Variants in CFAP20 observed in about 807,000 individuals in gnomAD.
CFAP20 encodes the protein cilia and flagella associated protein 20.
CFAP20 carries 14 observed loss-of-function variants against 25.5 expected under a neutral mutation model. The observed-to-expected ratio is 0.55, with a 90% confidence interval of 0.36 to 0.86. The LOEUF is 0.86. CFAP20 is among the 40% of genes least tolerant of loss of function. The pLI is 0.01. For synonymous variants in CFAP20, 75 were observed against 91.1 expected (o/e 0.82, Z 1.01); for missense variants, 181 against 248.0 (o/e 0.73, Z 1.81).
Position 58,113,912 on chromosome 16 carries a change from G to A in CFAP20, c.*113C>T. 1.6e-6 allele frequency: 2 copies of A among 1,259,746 alleles called. No individual in the cohort carries two copies. The highest frequency in any genetic ancestry group is 2.3e-6 in the Non-Finnish European group (2 of 861,864). The allele number at this position is 1,259,746 out of a possible 1,614,324, so 78.0% of individuals were successfully genotyped here. ...CAAGCAACACCAAGTATAAATAACA[G>A]AACTACAGCAGAGCAAACTAAGATA... On this transcript the variant is annotated 3_prime_UTR_variant, in exon 6 of 6. Coordinates refer to ENST00000262498, the MANE Select transcript of CFAP20 (RefSeq NM_013242.3).
chr16:58,115,627 T>C, intron 3 of CFAP20, 170 bp from the exon 4 acceptor site: 2 of 714,420 alleles, frequency 2.8e-6, no homozygotes, highest in South Asian at 1.9e-5. Flanking sequence ...GGCCCGGAAG[T>C]AGCAAGTTTA....
At position 58,129,277 on chromosome 16, in the gene CFAP20, G is replaced by A. The variant is rs1043574318; in HGVS notation, c.-162C>T. On this transcript the variant is annotated 5_prime_UTR_variant, in exon 1 of 6. Transcript: ENST00000262498. Reference sequence around the variant, plus strand: ...TCTGCAGCCACTGATGGCCGGACTCGGACGCGGCAACGCTAAGTCCGCGAT... The same window carrying A: ...TCTGCAGCCACTGATGGCCGGACTCAGACGCGGCAACGCTAAGTCCGCGAT... The A allele has an allele frequency of 5.8e-6, 4 of 692,436 alleles. No homozygotes were observed. Among genetic ancestry groups the A allele is most frequent in the Middle Eastern group, 2.8e-4 (1 of 3,544 alleles). The allele number at this position is 692,436 out of a possible 1,614,324, so 42.9% of individuals were successfully genotyped here.
intron 1 of CFAP20, among the ~76,000 whole-genome samples, chr16:58,122,145 G>C (rs1235424126): frequency 6.6e-6 from 1 of 152,180 alleles, no homozygotes; most frequent in Non-Finnish European, 1.5e-5. Context: ...AGGCTCCAAG[G>C]GTCAAAGGCT....
At position 58,129,270 on chromosome 16, in the gene CFAP20, C is replaced by G; in HGVS notation, c.-155G>C. 1.4e-6 allele frequency: 1 copy of G among 708,708 alleles called. No individual in the cohort carries two copies. Among genetic ancestry groups the G allele is most frequent in the Non-Finnish European group, 2.3e-6 (1 of 431,700 alleles). The allele number at this position is 708,708 out of a possible 1,614,324, so 43.9% of individuals were successfully genotyped here. ...CTCCGGATCTGCAGCCACTGATGGCCGGACTCGGACGCGGCAACGCTAAGT... is the reference window on the plus strand; with the variant it reads ...CTCCGGATCTGCAGCCACTGATGGCGGGACTCGGACGCGGCAACGCTAAGT... On this transcript the variant is annotated 5_prime_UTR_variant, in exon 1 of 6. Coordinates refer to ENST00000262498, the MANE Select transcript of CFAP20 (RefSeq NM_013242.3).
intron 2 of CFAP20, chr16:58,116,460 G>A: frequency 3.1e-6 from 1 of 326,954 alleles, no homozygotes; most frequent in Admixed American, 4.4e-5. Flanking sequence ...GCCATCGAAT[G>A]ACAGAAAACC....
chr16:58,119,661 T>C (rs1250859455), intron 1 of CFAP20, among the ~76,000 whole-genome samples: 1 of 152,228 alleles, frequency 6.6e-6, no homozygotes, highest in Non-Finnish European at 1.5e-5. Flanking sequence ...AAGCTGGCAA[T>C]GTTCAATGCC....
In CFAP20 at chr16:58,113,800, C is replaced by T. The variant is rs1211597582; in HGVS notation, c.*225G>A. On this transcript the variant is annotated 3_prime_UTR_variant, in exon 6 of 6. Transcript: ENST00000262498. ...GGGCAGGCGGCGGAATAAGCTCCAG[C>T]GTTCATGCGCCACTCACAGGACTGC... is the stretch of plus-strand genomic sequence containing the variant. 9 of 541,332 alleles carry T rather than the reference C, an allele frequency of 1.7e-5. No individual in the cohort carries two copies. The highest frequency in any genetic ancestry group is 6.1e-5 in the East Asian group (2 of 32,896). The allele number at this position is 541,332 out of a possible 1,614,324, so 33.5% of individuals were successfully genotyped here. A position where few individuals can be genotyped will look rare whatever the true frequency, so the allele number is the denominator to read the frequency against.
At chr16:58,125,582 G>A (rs1960600896) in intron 1 of CFAP20, among the ~76,000 whole-genome samples, 1 of 152,150 alleles carries the variant, frequency 6.6e-6, no homozygotes, top group South Asian at 2.1e-4. Flanking sequence ...TACTTGGGAG[G>A]TTGAGGTGGG....
intron 1 of CFAP20, among the ~76,000 whole-genome samples, chr16:58,117,668 T>C (rs563282879): frequency 6.6e-6 from 1 of 152,196 alleles, no homozygotes; most frequent in African/African-American, 2.4e-5. Flanking sequence ...CTCCTGACCT[T>C]GTGATCCACC....
At chr16:58,127,660 G>A (rs1960635869) in intron 1 of CFAP20, among the ~76,000 whole-genome samples, 1 of 152,224 alleles carries the variant, frequency 6.6e-6, no homozygotes, top group South Asian at 2.1e-4. Context: ...CTGCTTTCCT[G>A]TACTCTGGCA....
At chr16:58,115,855 A>G in intron 3 of CFAP20, 186 bp downstream of exon 3, 1 of 520,718 alleles carries the variant, frequency 1.9e-6, no homozygotes, top group South Asian at 2.8e-5. Flanking sequence ...TTCTTTAAAA[A>G]CCTGATTAAA....
Position 58,116,100 on chromosome 16 carries a change from G to T in CFAP20, c.217C>A (p.Leu73Ile). 6.2e-7 allele frequency: 1 copy of T among 1,614,000 alleles called. No homozygotes were observed. The highest frequency in any genetic ancestry group is 8.5e-7 in the Non-Finnish European group (1 of 1,179,852). The change falls in exon 3 of 6, where the codon CTT (leucine) becomes ATT (isoleucine). Residue 73 changes from leucine to isoleucine, a missense_variant. Physicochemically the swap from Leu to Ile is conservative, Grantham distance 5. Transcript: ENST00000262498. ...ADPKKTLGIK[L>I]PFLVMIIKNL... ...TTGATAATCATGACAAGGAAAGGAA[G>T]TTTAATTCCCAGCGTCTTCTTGGGG... is the stretch of plus-strand genomic sequence containing the variant.
chr16:58,118,280 G>C (rs1960485604), intron 1 of CFAP20, among the ~76,000 whole-genome samples: 1 of 152,060 alleles, frequency 6.6e-6, no homozygotes. Flanking sequence ...AGGAGTTCAA[G>C]ATCAGCTTGG....
chr16:58,115,472 GA>G lies in CFAP20; in HGVS notation c.277-16del. ...TCATCTAGTACCTGTGAAATACAGA[GA>G]AGAAGCATCACACTAGCTCTGTCTT... On this transcript the variant is annotated splice_polypyrimidine_tract_variant and intron_variant, in intron 3 of 5. Coordinates refer to ENST00000262498, the MANE Select transcript of CFAP20 (RefSeq NM_013242.3). 1 of 1,613,230 alleles carries G rather than the reference GA, an allele frequency of 6.2e-7. No homozygotes were observed. Among genetic ancestry groups the G allele is most frequent in the Non-Finnish European group, 8.5e-7 (1 of 1,179,470 alleles).
In CFAP20 at chr16:58,116,142, T is replaced by TA; in HGVS notation, c.174dup (p.Ile59TyrfsTer14). 6.2e-7 allele frequency: 1 copy of TA among 1,609,042 alleles called. No homozygotes were observed. Among genetic ancestry groups the TA allele is most frequent in the East Asian group, 2.2e-5 (1 of 44,868 alleles). The stretch of plus-strand genomic sequence containing the variant: ...TTCTTGGGGTCTGCAGGGCATGTGA[T>TA]ATATGTGGTGCTGTAGAGAGAGGAA... On this transcript the variant is annotated frameshift_variant, in exon 3 of 6. Coordinates refer to ENST00000262498, the MANE Select transcript of CFAP20 (RefSeq NM_013242.3). LOFTEE classifies it high-confidence loss of function.
At chr16:58,119,219 C>T (rs1364508277) in intron 1 of CFAP20, 2 of 152,188 alleles carry the variant, frequency 1.3e-5, no homozygotes, top group Admixed American at 1.3e-4. Flanking sequence ...GATGTCACTG[C>T]CCACCTTTTC....
chr16:58,125,469 G>A (rs1597089362), intron 1 of CFAP20, among the ~76,000 whole-genome samples: 1 of 152,194 alleles, frequency 6.6e-6, no homozygotes, highest in African/African-American at 2.4e-5. Context: ...AGGACTGCTT[G>A]AGCATAGGAA....
At chr16:58,128,310 C>A (rs1960649369) in intron 1 of CFAP20, among the ~76,000 whole-genome samples, 1 of 152,048 alleles carries the variant, frequency 6.6e-6, no homozygotes, top group African/African-American at 2.4e-5. Context: ...GTTTATTAAT[C>A]CAAACAAGAC....
In CFAP20 at chr16:58,129,290, C is replaced by A. The variant is rs1221520877; in HGVS notation, c.-175G>T. The A allele has an allele frequency of 6.3e-6, 4 of 633,508 alleles. No homozygotes were observed. The Admixed American group carries it at 1.1e-4, about 18-fold the overall frequency. The allele number at this position is 633,508 out of a possible 1,614,324, so 39.2% of individuals were successfully genotyped here. A position where few individuals can be genotyped will look rare whatever the true frequency, so the allele number is the denominator to read the frequency against. ...ATGGCCGGACTCGGACGCGGCAACG[C>A]TAAGTCCGCGATCTTCAGCTCCTAA... On this transcript the variant is annotated 5_prime_UTR_variant, in exon 1 of 6. Coordinates refer to ENST00000262498, the MANE Select transcript of CFAP20 (RefSeq NM_013242.3).
Sources: gnomAD v4.1 joint callset for allele counts (sites outside exome capture counted in the v4.1 genomes callset) on GRCh38, gnomAD v4.1.1 for gene constraint, MANE v1.5 for transcripts, NCBI Gene and HGNC (gene_info 2026-07-23, HGNC 2026-07-21) for gene names.